Variants in WWOX observed in about 807,000 individuals in gnomAD.
WWOX encodes WW domain-containing oxidoreductase.
WWOX carries 69 observed loss-of-function variants against 46.2 expected under a neutral mutation model. The ratio of observed to expected loss-of-function variants is 1.49; its 90% CI spans 1.23 to 1.82. The LOEUF (loss-of-function observed/expected upper bound fraction) is 1.82, where lower values mean the gene tolerates loss of function less well. WWOX is among the 40% of genes most tolerant of loss of function. WWOX has a pLI of 0.00. For missense variants in WWOX, 919 were observed against 542.6 expected, an observed-to-expected ratio of 1.69 and a Z score of -6.89; for synonymous variants, 359 against 202.6, an observed-to-expected ratio of 1.77 and a Z score of -6.56.
chr16:78,224,893 T>G (rs2037000449), intron 5 of WWOX, among the ~76,000 whole-genome samples: 1 of 152,240 alleles, frequency 6.6e-6, no homozygotes, highest in South Asian at 2.1e-4. Context: ...ACAATTTCTT[T>G]CTTTTGCAAA....
chr16:78,229,822 C>G lies in WWOX; in HGVS notation c.516+65533C>G, dbSNP rs1325664368. ...TCTATTAGTTGATGCTTTGTTCTTTCTCCCCAAGAGCCATATCTCAGCTAT... is the reference window on the plus strand; with the variant it reads ...TCTATTAGTTGATGCTTTGTTCTTTGTCCCCAAGAGCCATATCTCAGCTAT... On this transcript the variant is annotated intron_variant, in intron 5 of 8. Transcript: ENST00000566780. Among the ~76,000 whole-genome samples, 7 of 152,174 alleles carry G rather than the reference C, an allele frequency of 4.6e-5. No individual in the cohort carries two copies. The East Asian group carries it at 1.3e-3, about 29-fold the overall frequency.
At chr16:78,501,760 C>T (rs914072727) in intron 8 of WWOX, among the ~76,000 whole-genome samples, 2 of 152,124 alleles carry the variant, frequency 1.3e-5, no homozygotes, top group African/African-American at 2.4e-5. Flanking sequence ...TGGTCTCGAA[C>T]TCCTGACCTG....
chr16:78,783,469 C>T (rs1452723701), intron 8 of WWOX, among the ~76,000 whole-genome samples: 1 of 152,152 alleles, frequency 6.6e-6, no homozygotes, highest in Admixed American at 6.5e-5. Context: ...TAAGCTCTTT[C>T]TGCAAAGGGA....
intron 8 of WWOX, among the ~76,000 whole-genome samples, chr16:78,536,498 T>G (rs1256328455): frequency 6.6e-6 from 1 of 151,944 alleles, no homozygotes; most frequent in African/African-American, 2.4e-5. Context: ...TCTCTGGAGG[T>G]GAAGAGGGAA....
At chr16:78,523,538 C>T (rs2043394040) in intron 8 of WWOX, among the ~76,000 whole-genome samples, 1 of 152,212 alleles carries the variant, frequency 6.6e-6, no homozygotes, top group Non-Finnish European at 1.5e-5. Context: ...TACTCTCTAT[C>T]TGGGTGATGG....
At chr16:78,388,295 T>A (rs2082101300) in intron 6 of WWOX, among the ~76,000 whole-genome samples, 1 of 152,166 alleles carries the variant, frequency 6.6e-6, no homozygotes, top group Admixed American at 6.5e-5. Context: ...CCTCTGAAAA[T>A]GCTGGGATTA....
intron 8 of WWOX, among the ~76,000 whole-genome samples, chr16:78,833,982 A>C (rs7501417): frequency 0.71 from 108,122 of 152,170 alleles, 39,483 homozygotes; most frequent in Non-Finnish European, 0.8. Flanking sequence ...CATTGTCTTG[A>C]GTTTATTAAG....
intron 4 of WWOX, 24 bp downstream of exon 4, chr16:78,115,178 A>G (rs2032717007): frequency 6.2e-7 from 1 of 1,613,878 alleles, no homozygotes; most frequent in African/African-American, 1.3e-5. Context: ...TTAGTTATTT[A>G]TCTTTGGGAC....
At chr16:79,027,111 C>T (rs1038267614) in intron 8 of WWOX, among the ~76,000 whole-genome samples, 3 of 151,276 alleles carry the variant, frequency 2.0e-5, no homozygotes, top group Non-Finnish European at 4.4e-5. Context: ...GAGACCCCAT[C>T]TCTACAAAAA....
intron 8 of WWOX, among the ~76,000 whole-genome samples, chr16:78,517,110 A>C (rs1012440832): frequency 6.6e-5 from 10 of 152,240 alleles, no homozygotes; most frequent in African/African-American, 2.4e-4. Context: ...CGGGGCAGCC[A>C]TCCTTCAAAT....
chr16:78,557,688 G>GTTTTTTTTTTTTTT (rs1567642864), intron 8 of WWOX, among the ~76,000 whole-genome samples: 5 of 107,148 alleles, frequency 4.7e-5, no homozygotes, highest in South Asian at 2.6e-4. Flanking sequence ...TCTAGGGAAG[G>GTTTTTTTTTTTTTT]ATTTTTTTTT....
chr16:78,231,620 G>A (rs1000944014), intron 5 of WWOX, among the ~76,000 whole-genome samples: 2 of 152,114 alleles, frequency 1.3e-5, no homozygotes, highest in African/African-American at 2.4e-5. Flanking sequence ...ACGTGGCATC[G>A]GAGTAGCTCG....
At chr16:79,124,709 A>C (rs1320406154) in intron 8 of WWOX, among the ~76,000 whole-genome samples, 1 of 152,218 alleles carries the variant, frequency 6.6e-6, no homozygotes, top group Non-Finnish European at 1.5e-5. Context: ...TTAGTGGAGC[A>C]AAACAGATGT....
chr16:78,408,685 G>A (rs2082604722), intron 6 of WWOX, among the ~76,000 whole-genome samples: 1 of 152,198 alleles, frequency 6.6e-6, no homozygotes, highest in African/African-American at 2.4e-5. Context: ...AAGGTCTTGG[G>A]TAAGCATGCA....
chr16:78,452,226 A>T (rs745562835), intron 8 of WWOX, among the ~76,000 whole-genome samples: 10 of 152,184 alleles, frequency 6.6e-5, no homozygotes, highest in Non-Finnish European at 1.0e-4. Flanking sequence ...CGCACTCATA[A>T]AAAGAGATTG....
chr16:78,533,301 T>G lies in WWOX; in HGVS notation c.1056+100549T>G, dbSNP rs6564567. The stretch of plus-strand genomic sequence containing the variant: ...CTCATGCCTGTAATCCCAGCACTTT[T>G]GGGTCAGTTGAGTCTAACATAGGGG... On this transcript the variant is annotated intron_variant, in intron 8 of 8. Coordinates refer to ENST00000566780, the MANE Select transcript of WWOX (RefSeq NM_016373.4). Among the ~76,000 whole-genome samples, 14 of 151,846 alleles carry G rather than the reference T, an allele frequency of 9.2e-5. 1 individual carries two copies. The highest frequency in any genetic ancestry group is 3.9e-4 in the East Asian group (2 of 5,154).
At chr16:78,627,149 C>T (rs1360227774) in intron 8 of WWOX, among the ~76,000 whole-genome samples, 1 of 152,078 alleles carries the variant, frequency 6.6e-6, no homozygotes, top group Non-Finnish European at 1.5e-5. Flanking sequence ...GAGCAGTAGG[C>T]AGTGTGGGTG....
chr16:78,925,098 G>T (rs1003371001), intron 8 of WWOX, among the ~76,000 whole-genome samples: 4 of 152,200 alleles, frequency 2.6e-5, no homozygotes, highest in Admixed American at 6.5e-5. Flanking sequence ...GGGAGGCTGA[G>T]ATGGGATGAT....
intron 8 of WWOX, among the ~76,000 whole-genome samples, chr16:78,984,791 C>G (rs1288930085): frequency 6.6e-6 from 1 of 152,206 alleles, no homozygotes; most frequent in East Asian, 1.9e-4. Flanking sequence ...GTCTGTGGAT[C>G]GATACCGGCA....
Sources: gnomAD v4.1 joint callset for allele counts (sites outside exome capture counted in the v4.1 genomes callset) on GRCh38, gnomAD v4.1.1 for gene constraint, MANE v1.5 for transcripts, NCBI Gene and HGNC (gene_info 2026-07-23, HGNC 2026-07-21) for gene names.